The following TSHZ2 variants were observed in gnomAD, a reference collection of about 807,000 sequenced individuals.
TSHZ2 encodes the protein teashirt homolog 2.
Under a neutral mutation model 74.4 loss-of-function variants are expected in TSHZ2, and 21 were observed. The ratio of observed to expected loss-of-function variants is 0.28; its 90% CI spans 0.20 to 0.41. TSHZ2 has a LOEUF of 0.41. Among genes scored for constraint, TSHZ2 ranks in the 10% least tolerant of loss-of-function variants. The probability of loss-of-function intolerance (pLI) is 1.00; values close to 1 mark genes in which losing one functional copy is unlikely to be tolerated. For synonymous variants in TSHZ2, 540 were observed against 515.3 expected (o/e 1.05, Z -0.65); for missense variants, 1,244 against 1,293.5 (o/e 0.96, Z 0.59).
chr20:53,396,183 C>T (rs1396251281), intron 2 of TSHZ2, among the ~76,000 whole-genome samples: 2 of 152,206 alleles, frequency 1.3e-5, no homozygotes, highest in African/African-American at 4.8e-5. Flanking sequence ...GTGATCCACC[C>T]GCCTTGGCCT....
At chr20:52,992,453 T>A (rs2122923954) in intron 1 of TSHZ2, among the ~76,000 whole-genome samples, 1 of 152,290 alleles carries the variant, frequency 6.6e-6, no homozygotes, top group South Asian at 2.1e-4. Context: ...AGAAAACAGT[T>A]CTTCAGTGGG....
chr20:53,409,143 G>T (rs1026603952), intron 2 of TSHZ2, among the ~76,000 whole-genome samples: 29 of 152,158 alleles, frequency 1.9e-4, no homozygotes, highest in African/African-American at 6.8e-4. Context: ...CGCTATAACA[G>T]AAGGGGGGAT....
At chr20:53,238,132 A>G (rs539847172) in intron 1 of TSHZ2, among the ~76,000 whole-genome samples, 1 of 152,278 alleles carries the variant, frequency 6.6e-6, no homozygotes, top group African/African-American at 2.4e-5. Flanking sequence ...ATCCCAAGCA[A>G]TGTACCAATG....
At chr20:53,260,647 GACATGCCC>G (rs1990583492) in intron 2 of TSHZ2, among the ~76,000 whole-genome samples, 1 of 152,192 alleles carries the variant, frequency 6.6e-6, no homozygotes, top group Non-Finnish European at 1.5e-5. Flanking sequence ...CTTTCATGAA[GACATGCCC>G]CACTTCTACA....
At chr20:53,018,156 G>C (rs1168939135) in intron 1 of TSHZ2, among the ~76,000 whole-genome samples, 1 of 152,128 alleles carries the variant, frequency 6.6e-6, no homozygotes. Context: ...ATATCACCAA[G>C]AAGGCAACGT....
chr20:53,131,703 A>G (rs917144114), intron 1 of TSHZ2, among the ~76,000 whole-genome samples: 4 of 152,108 alleles, frequency 2.6e-5, no homozygotes, highest in African/African-American at 4.8e-5. Flanking sequence ...TTCTTTTCCT[A>G]GAAATTTGCA....
rs185093648 is a variant in TSHZ2 at position 53,164,656 on chromosome 20, G to A, written c.41-88843G>A. ...TTTATTTTATTTTAAATGCCCACAT[G>A]GAGTTAGTGACTACTATATTGAACT... is the stretch of plus-strand genomic sequence containing the variant. On this transcript the variant is annotated intron_variant, in intron 1 of 2. Transcript: ENST00000371497. Among the ~76,000 whole-genome samples, 143 of 152,224 alleles carry A rather than the reference G, an allele frequency of 9.4e-4. 1 individual carries two copies. Among genetic ancestry groups the A allele is most frequent in the Non-Finnish European group, 1.6e-3 (109 of 68,014 alleles).
intron 2 of TSHZ2, among the ~76,000 whole-genome samples, chr20:53,425,212 A>G (rs1423193231): frequency 1.3e-5 from 2 of 152,206 alleles, no homozygotes; most frequent in African/African-American, 4.8e-5. Context: ...CTTGGGTTCC[A>G]GAGACTACAT....
intron 1 of TSHZ2, among the ~76,000 whole-genome samples, chr20:53,089,193 G>A (rs1044696137): frequency 6.6e-6 from 1 of 150,720 alleles, no homozygotes; most frequent in East Asian, 1.9e-4. Context: ...CCAAAGTGTC[G>A]AAAATAAATG....
At chr20:53,182,407 C>CAAA (rs1988503152) in intron 1 of TSHZ2, among the ~76,000 whole-genome samples, 1 of 152,184 alleles carries the variant, frequency 6.6e-6, no homozygotes, top group South Asian at 2.1e-4. Flanking sequence ...GGGCAAAGTA[C>CAAA]TCTGATCCAT....
intron 1 of TSHZ2, chr20:53,178,114 T>G (rs1172086120): frequency 2.0e-5 from 3 of 152,226 alleles, no homozygotes; most frequent in Non-Finnish European, 4.4e-5. Context: ...ACCTGGATAA[T>G]TTCCATAAAT....
chr20:53,438,283 G>C (rs541158040), intron 2 of TSHZ2, among the ~76,000 whole-genome samples: 37 of 151,658 alleles, frequency 2.4e-4, no homozygotes, highest in Middle Eastern at 3.4e-3. Context: ...CTAATTTTTT[G>C]TACTTTAGTA....
At chr20:53,016,830 C>T (rs1362466429) in intron 1 of TSHZ2, among the ~76,000 whole-genome samples, 2 of 152,126 alleles carry the variant, frequency 1.3e-5, no homozygotes, top group Admixed American at 6.6e-5. Context: ...CAGGTTGCAT[C>T]CCCATAAAGC....
Position 53,239,746 on chromosome 20 carries a change from CAAA to C in TSHZ2, c.41-13749_41-13747del, listed in dbSNP as rs375776891. Among the ~76,000 whole-genome samples the C allele has an allele frequency of 2.2e-4, 34 of 152,022 alleles. No homozygotes were observed. In the East Asian group the frequency reaches 5.0e-3, roughly 22 times the overall value. ...AAAAATTACCTCATATTTTATCAAA[CAAA>C]AAATTATAATATTTTGCTATCATAA... On this transcript the variant is annotated intron_variant, in intron 1 of 2. Coordinates refer to ENST00000371497, the MANE Select transcript of TSHZ2 (RefSeq NM_173485.6).
At chr20:53,216,518 G>A (rs1989437140) in intron 1 of TSHZ2, among the ~76,000 whole-genome samples, 1 of 152,180 alleles carries the variant, frequency 6.6e-6, no homozygotes, top group African/African-American at 2.4e-5. Flanking sequence ...GGACAACAAA[G>A]GGTTCTCAAG....
chr20:52,984,565 A>G (rs1376776217), intron 1 of TSHZ2, among the ~76,000 whole-genome samples: 2 of 152,164 alleles, frequency 1.3e-5, no homozygotes, highest in South Asian at 4.1e-4. Flanking sequence ...TGGCCGGAGC[A>G]GACGGGGAGG....
intron 2 of TSHZ2, among the ~76,000 whole-genome samples, chr20:53,354,540 G>T (rs1244683242): frequency 6.6e-6 from 1 of 152,174 alleles, no homozygotes. Context: ...CATTATAGTG[G>T]TTTCTCAATT....
rs182034925 is a variant in TSHZ2, at chr20:53,483,637, G to A, written c.*9-3507G>A. On this transcript the variant is annotated intron_variant, in intron 2 of 2. Coordinates refer to ENST00000371497, the MANE Select transcript of TSHZ2 (RefSeq NM_173485.6). ...AGGTATATTTGTGAATCTTAAATAG[G>A]GAAGAAAAGAGTTATCAAATAAACC... is the stretch of plus-strand genomic sequence containing the variant. Among the ~76,000 whole-genome samples, 674 of 152,206 alleles carry A rather than the reference G, an allele frequency of 4.4e-3. 1 individual carries two copies. The highest frequency in any genetic ancestry group is 7.5e-3 in the Admixed American group (115 of 15,276).
chr20:53,465,051 A>G (rs181868219), intron 2 of TSHZ2, among the ~76,000 whole-genome samples: 274 of 152,306 alleles, frequency 1.8e-3, no homozygotes, highest in African/African-American at 5.9e-3. Context: ...ACTTCAGGAA[A>G]GGGCAGGGGA....
Sources: gnomAD v4.1 joint callset for allele counts (sites outside exome capture counted in the v4.1 genomes callset) on GRCh38, gnomAD v4.1.1 for gene constraint, MANE v1.5 for transcripts, NCBI Gene and HGNC (gene_info 2026-07-23, HGNC 2026-07-21) for gene names.